The following LAMP5 variants were observed in gnomAD, a reference collection of about 807,000 sequenced individuals.
LAMP5 encodes the protein lysosome-associated membrane glycoprotein 5.
In LAMP5, 36 loss-of-function variants were observed where a neutral mutation model predicts 30.2. The observed-to-expected ratio is 1.19, with a 90% CI of 0.91 to 1.57. LAMP5 has a LOEUF of 1.57. LAMP5 is among the 40% of genes most tolerant of loss of function. The pLI is 0.00. For missense variants in LAMP5, 377 were observed against 354.9 expected, an observed-to-expected ratio of 1.06 and a Z score of -0.50; for synonymous variants, 149 against 134.6, an observed-to-expected ratio of 1.11 and a Z score of -0.74.
At chr20:9,525,993 C>A (rs1012128647) in intron 5 of LAMP5, among the ~76,000 whole-genome samples, 1 of 152,136 alleles carries the variant, frequency 6.6e-6, no homozygotes, top group Non-Finnish European at 1.5e-5. Context: ...TGAGCTAAAA[C>A]CATGGTCTAC....
intron 5 of LAMP5, among the ~76,000 whole-genome samples, chr20:9,528,154 A>G (rs2045126323): frequency 6.6e-6 from 1 of 152,190 alleles, no homozygotes. Flanking sequence ...CATTTGCTAC[A>G]ATGTGGATGG....
intron 5 of LAMP5, among the ~76,000 whole-genome samples, chr20:9,521,669 A>C (rs2045080480): frequency 6.6e-6 from 1 of 152,126 alleles, no homozygotes; most frequent in South Asian, 2.1e-4. Flanking sequence ...TTCCACAATT[A>C]ATTTCTGAGG....
intron 5 of LAMP5, 61 bp from the exon 6 acceptor site, chr20:9,529,581 A>G (rs1236614595): frequency 2.0e-6 from 3 of 1,502,050 alleles, no homozygotes; most frequent in Non-Finnish European, 1.8e-6. Context: ...TTTGTTTTGT[A>G]GAACTTATGA....
rs188938901 is a variant in LAMP5 at position 9,515,522 on chromosome 20, A to T, written c.134A>T (p.Lys45Ile). ...TCAGGCCTTTCCACTAACCCTGAAA[A>T]AGATATATTTGTGGTGCGGGAAAAT... ...NLSGLSTNPEKDIFVVRENGT... is the reference protein window; with the variant it reads ...NLSGLSTNPEIDIFVVRENGT... The change falls in exon 2 of 6, where the codon AAA becomes ATA. Residue 45 changes from lysine (K) to isoleucine (I), a missense_variant. Lys to Ile is a moderately radical substitution (Grantham distance 102). Coordinates refer to ENST00000246070, the MANE Select transcript of LAMP5 (RefSeq NM_012261.4). The T allele has an allele frequency of 6.8e-6, 11 of 1,614,152 alleles. No homozygotes were observed. The highest frequency in any genetic ancestry group is 9.3e-6 in the Non-Finnish European group (11 of 1,180,014).
intron 5 of LAMP5, among the ~76,000 whole-genome samples, chr20:9,526,082 A>G (rs62193585): frequency 0.051 from 7,806 of 152,248 alleles, 307 homozygotes; most frequent in East Asian, 0.21. Context: ...CACAAGGGCA[A>G]CCTTGTAAAG....
chr20:9,515,663 G>A (rs774879558), intron 2 of LAMP5, 38 bp downstream of exon 2: 5 of 1,602,806 alleles, frequency 3.1e-6, no homozygotes, highest in Admixed American at 3.4e-5. Context: ...TGCTCCTAGG[G>A]CTCCAGGGCG....
rs1157287659 is a variant in LAMP5 at position 9,515,641 on chromosome 20, C to T, written c.237+16C>T. The stretch of plus-strand genomic sequence containing the variant: ...CTACGTAGATGTAAGGAATCTTTCC[C>T]CCCCCTCAGCTTGCTCCTAGGGCTC... On this transcript the variant is annotated intron_variant, in intron 2 of 5. Transcript: ENST00000246070. The T allele has an allele frequency of 6.2e-7, 1 of 1,612,192 alleles. No individual in the cohort carries two copies. The highest frequency in any genetic ancestry group is 8.5e-7 in the Non-Finnish European group (1 of 1,178,820).
chr20:9,522,839 A>T (rs1210888823), intron 5 of LAMP5, among the ~76,000 whole-genome samples: 1 of 152,192 alleles, frequency 6.6e-6, no homozygotes, highest in Non-Finnish European at 1.5e-5. Flanking sequence ...CTGGGATATA[A>T]GAACATTTTC....
rs545246056 is a variant in LAMP5, at chr20:9,530,478, G to A, written c.*658G>A. 6.5e-6 allele frequency: 1 copy of A among 152,738 alleles called. No homozygotes were observed. Among genetic ancestry groups the A allele is most frequent in the African/African-American group, 2.4e-5 (1 of 41,576 alleles). 9.5% of individuals were successfully genotyped at this position (152,738 alleles called of 1,614,324 possible). On this transcript the variant is annotated 3_prime_UTR_variant, in exon 6 of 6. Coordinates refer to ENST00000246070, the MANE Select transcript of LAMP5 (RefSeq NM_012261.4). ...GTCGGGGGACCTGAAGAATCAATCTGTGTGAGTCTGTTTTTCAAAATGAAA... is the reference window on the plus strand; with the variant it reads ...GTCGGGGGACCTGAAGAATCAATCTATGTGAGTCTGTTTTTCAAAATGAAA...
chr20:9,519,491 G>A (rs2045065615), intron 5 of LAMP5, among the ~76,000 whole-genome samples: 1 of 152,180 alleles, frequency 6.6e-6, no homozygotes, highest in Non-Finnish European at 1.5e-5. Flanking sequence ...GGAAGGATAG[G>A]CTATCCCATG....
intron 5 of LAMP5, among the ~76,000 whole-genome samples, chr20:9,524,066 T>C (rs1320324777): frequency 1.3e-5 from 2 of 152,232 alleles, no homozygotes; most frequent in Non-Finnish European, 2.9e-5. Context: ...TATTTTCATC[T>C]CACTTTAGTT....
chr20:9,525,010 T>C (rs950250610), intron 5 of LAMP5, among the ~76,000 whole-genome samples: 1 of 152,340 alleles, frequency 6.6e-6, no homozygotes, highest in Middle Eastern at 3.4e-3. Flanking sequence ...ATGATACTTT[T>C]TGACATCTTC....
chr20:9,515,396 G>C, intron 1 of LAMP5, 57 bp from the exon 2 acceptor site: 1 of 1,538,236 alleles, frequency 6.5e-7, no homozygotes, highest in South Asian at 1.2e-5. Context: ...CCACCCTAGC[G>C]CCCGAGACGC....
At position 9,515,623 on chromosome 20, in the gene LAMP5, G is replaced by T. The variant is rs1171815695; in HGVS notation, c.235G>T (p.Asp79Tyr). The T allele has an allele frequency of 6.2e-7, 1 of 1,610,088 alleles. No homozygotes were observed. Among genetic ancestry groups the T allele is most frequent in the Non-Finnish European group, 8.5e-7 (1 of 1,178,974 alleles). The part of the protein sequence containing the change: ...PYDVWASNYV[D>Y]LITEQADIAL... ...TGATGTGTGGGCCAGCAACTACGTAGATGTAAGGAATCTTTCCCCCCCCTC... is the reference window on the plus strand; with the variant it reads ...TGATGTGTGGGCCAGCAACTACGTATATGTAAGGAATCTTTCCCCCCCCTC... Residue 79 changes from aspartate to tyrosine, a missense_variant and splice_region_variant, in exon 2 of 6, where the codon GAT becomes TAT. Transcript: ENST00000246070.
chr20:9,514,882 C>A lies in LAMP5; in HGVS notation c.30C>A (p.Ser10Arg), dbSNP rs774344559. 1.9e-6 allele frequency: 3 copies of A among 1,614,106 alleles called. No individual in the cohort carries two copies. The highest frequency in any genetic ancestry group is 2.5e-6 in the Non-Finnish European group (3 of 1,180,040). ...ATCTCCAAGGAAGAGGGGTCCCCAGCATCGACAGACTTCGAGTTCTCCTGA... is the reference window on the plus strand; with the variant it reads ...ATCTCCAAGGAAGAGGGGTCCCCAGAATCGACAGACTTCGAGTTCTCCTGA... MDLQGRGVP[S>R]IDRLRVLLML... The change falls in exon 1 of 6, where the codon AGC (serine) becomes AGA (arginine). Residue 10 changes from serine (S) to arginine (R), a missense_variant. Transcript: ENST00000246070.
chr20:9,522,911 G>C (rs1396409484), intron 5 of LAMP5, among the ~76,000 whole-genome samples: 1 of 151,438 alleles, frequency 6.6e-6, no homozygotes, highest in African/African-American at 2.4e-5. Context: ...CATGTTCCTG[G>C]CATACAGTGG....
chr20:9,515,713 G>T (rs757930409), intron 2 of LAMP5, 88 bp downstream of exon 2: 1 of 1,443,426 alleles, frequency 6.9e-7, no homozygotes, highest in Non-Finnish European at 9.4e-7. Flanking sequence ...GACCTGGGTT[G>T]CCCGCCTTCT....
intron 4 of LAMP5, 150 bp from the exon 5 acceptor site, chr20:9,517,890 G>A: frequency 1.7e-6 from 1 of 590,660 alleles, no homozygotes; most frequent in Non-Finnish European, 3.0e-6. Flanking sequence ...ATCACCACTT[G>A]ATGCCATTTG....
chr20:9,522,330 G>A (rs2045084581), intron 5 of LAMP5, among the ~76,000 whole-genome samples: 3 of 152,090 alleles, frequency 2.0e-5, no homozygotes, highest in Admixed American at 1.3e-4. Flanking sequence ...CTATATACCA[G>A]CCCCCCAGTA....
Sources: allele counts gnomAD v4.1 joint callset (sites outside exome capture counted in the v4.1 genomes callset), GRCh38; gene constraint gnomAD v4.1.1; transcripts MANE v1.5; gene names NCBI Gene and HGNC (gene_info 2026-07-23, HGNC 2026-07-21).